The following PPP2R2C variants were observed in gnomAD, a reference collection of about 807,000 sequenced individuals.
The protein encoded by PPP2R2C is protein phosphatase 2 regulatory subunit Bgamma, also known as protein phosphatase 2, regulatory subunit B, gamma.
In PPP2R2C, 10 loss-of-function variants were observed where a neutral mutation model predicts 45.3. That is an observed-to-expected ratio of 0.22 (90% CI 0.14 to 0.37). The LOEUF (loss-of-function observed/expected upper bound fraction) is 0.37, where lower values mean the gene tolerates loss of function less well. Among genes scored for constraint, PPP2R2C ranks in the 10% least tolerant of loss-of-function variants. The pLI is 1.00. For synonymous variants in PPP2R2C, 257 were observed against 245.4 expected (o/e 1.05, Z -0.44); for missense variants, 308 against 619.7 (o/e 0.50, Z 5.34).
intron 1 of PPP2R2C, chr4:6,420,817 T>C (rs1203515432): frequency 7.7e-6 from 4 of 518,160 alleles, no homozygotes; most frequent in Non-Finnish European, 9.9e-6. Flanking sequence ...GTATTTGACA[T>C]GGAATGACGG....
chr4:6,338,041 C>A (rs1253585164), intron 6 of PPP2R2C, among the ~76,000 whole-genome samples: 1 of 151,656 alleles, frequency 6.6e-6, no homozygotes, highest in Non-Finnish European at 1.5e-5. Flanking sequence ...CACACACATA[C>A]ACACACACAC....
intron 5 of PPP2R2C, among the ~76,000 whole-genome samples, chr4:6,359,429 G>A (rs1330833065): frequency 6.6e-6 from 1 of 152,104 alleles, no homozygotes; most frequent in Non-Finnish European, 1.5e-5. Context: ...CACCAACATG[G>A]CACATGTATA....
At chr4:6,511,462 A>G (rs1272195187) in intron 2 of PPP2R2C, among the ~76,000 whole-genome samples, 3 of 71,994 alleles carry the variant, frequency 4.2e-5, no homozygotes, top group Admixed American at 1.4e-4. Context: ...GGTGATGATG[A>G]CGGTGGTGGT....
intron 1 of PPP2R2C, among the ~76,000 whole-genome samples, chr4:6,455,565 C>CTT (rs1388766057): frequency 8.5e-5 from 13 of 152,234 alleles, no homozygotes; most frequent in Non-Finnish European, 1.5e-5. Context: ...TTCACCTCCA[C>CTT]TTCCCTTCCA....
intron 2 of PPP2R2C, among the ~76,000 whole-genome samples, chr4:6,527,130 G>GA (rs1553906962): frequency 1.3e-5 from 2 of 151,962 alleles, no homozygotes; most frequent in Non-Finnish European, 2.9e-5. Flanking sequence ...CTGAGCCTCA[G>GA]TTTTTTTATC....
chr4:6,392,027 C>A (rs1716680252), intron 1 of PPP2R2C, among the ~76,000 whole-genome samples: 1 of 152,146 alleles, frequency 6.6e-6, no homozygotes, highest in African/African-American at 2.4e-5. Flanking sequence ...CTTAGTCATT[C>A]AATTAGTCAT....
In PPP2R2C at chr4:6,438,530, T is replaced by G. The variant is rs1720001028; in HGVS notation, c.70+33630A>C. Among the ~76,000 whole-genome samples, 5 of 152,366 alleles carry G rather than the reference T, an allele frequency of 3.3e-5. No individual in the cohort carries two copies. In the South Asian group the frequency reaches 1.0e-3, roughly 32 times the overall value. On this transcript the variant is annotated intron_variant, in intron 1 of 8. Coordinates refer to ENST00000382599, the MANE Select transcript of PPP2R2C (RefSeq NM_020416.4). ...CTTCCATTAAATGACCTTCACTTTT[T>G]CCTTCAAGATAAGATTGTATAATGG... is the stretch of plus-strand genomic sequence containing the variant.
At chr4:6,555,130 C>T (rs754499553) in intron 1 of PPP2R2C, among the ~76,000 whole-genome samples, 6 of 152,116 alleles carry the variant, frequency 3.9e-5, no homozygotes, top group Non-Finnish European at 7.4e-5. Context: ...ACTGCGTCCT[C>T]ACATGGTAGA....
At chr4:6,446,731 C>G (rs1416217772) in intron 1 of PPP2R2C, among the ~76,000 whole-genome samples, 1 of 152,126 alleles carries the variant, frequency 6.6e-6, no homozygotes, top group Non-Finnish European at 1.5e-5. Context: ...TCCCCGCCAA[C>G]GGCCCACTGT....
chr4:6,414,675 G>A (rs1718447032), intron 1 of PPP2R2C, among the ~76,000 whole-genome samples: 1 of 151,958 alleles, frequency 6.6e-6, no homozygotes, highest in Admixed American at 6.6e-5. Flanking sequence ...AGGGAGAAGG[G>A]AGGGGAACTC....
intron 2 of PPP2R2C, among the ~76,000 whole-genome samples, chr4:6,488,793 G>A (rs559213039): frequency 0.099 from 5,230 of 52,606 alleles, 150 homozygotes; most frequent in African/African-American, 0.17. Context: ...CTCCTACTGA[G>A]GCAAGACTTT....
intron 1 of PPP2R2C, among the ~76,000 whole-genome samples, chr4:6,539,556 C>T (rs572669306): frequency 2.6e-5 from 4 of 152,196 alleles, no homozygotes; most frequent in East Asian, 1.9e-4. Flanking sequence ...TCACAGAGGA[C>T]GATTCCTGCC....
At chr4:6,444,239 A>G (rs534402349) in intron 1 of PPP2R2C, among the ~76,000 whole-genome samples, 6 of 152,334 alleles carry the variant, frequency 3.9e-5, no homozygotes, top group South Asian at 2.1e-4. Context: ...AAATAGAACA[A>G]GGGTCCTTTG....
At chr4:6,531,903 A>C (rs1235114839) in intron 2 of PPP2R2C, among the ~76,000 whole-genome samples, 1 of 152,182 alleles carries the variant, frequency 6.6e-6, no homozygotes, top group African/African-American at 2.4e-5. Context: ...CAGACACCGG[A>C]TGCCCCGTCC....
chr4:6,400,023 T>C (rs376733817), intron 1 of PPP2R2C, among the ~76,000 whole-genome samples: 29 of 152,242 alleles, frequency 1.9e-4, no homozygotes, highest in Non-Finnish European at 2.1e-4. Context: ...TGTGAATGCA[T>C]TGAAGTCTCT....
chr4:6,365,251 G>A (rs1425818076), intron 5 of PPP2R2C, among the ~76,000 whole-genome samples: 1 of 152,232 alleles, frequency 6.6e-6, no homozygotes. Context: ...CAGAGCTGGA[G>A]TAAGAACCCA....
intron 1 of PPP2R2C, among the ~76,000 whole-genome samples, chr4:6,405,106 T>A (rs997105440): frequency 6.6e-5 from 10 of 152,270 alleles, no homozygotes; most frequent in African/African-American, 2.2e-4. Context: ...TAACGCCCTG[T>A]GCCCGACAGT....
intron 1 of PPP2R2C, among the ~76,000 whole-genome samples, chr4:6,546,364 A>T (rs1724985024): frequency 6.6e-6 from 1 of 152,204 alleles, no homozygotes; most frequent in African/African-American, 2.4e-5. Flanking sequence ...AAGTATTAGT[A>T]GTGGTCATAG....
At chr4:6,433,675 A>T (rs944891070) in intron 1 of PPP2R2C, among the ~76,000 whole-genome samples, 1 of 152,144 alleles carries the variant, frequency 6.6e-6, no homozygotes, top group African/African-American at 2.4e-5. Context: ...TATAATAGCT[A>T]ATTTGACTGT....
Sources: allele counts gnomAD v4.1 joint callset (sites outside exome capture counted in the v4.1 genomes callset), GRCh38; gene constraint gnomAD v4.1.1; transcripts MANE v1.5; gene names NCBI Gene and HGNC (gene_info 2026-07-23, HGNC 2026-07-21).